ARHGEF7: variants seen among roughly 807,000 people sequenced by gnomAD.
ARHGEF7 encodes PAK-interacting exchange factor beta.
Under a neutral mutation model 109.8 loss-of-function variants are expected in ARHGEF7, and 33 were observed. The ratio of observed to expected loss-of-function variants is 0.30; its 90% CI spans 0.23 to 0.40. ARHGEF7 has a LOEUF of 0.40. Among genes scored for constraint, ARHGEF7 ranks in the 10% least tolerant of loss-of-function variants. The pLI, the probability that ARHGEF7 is intolerant of heterozygous loss-of-function variation, is 1.00. For missense variants in ARHGEF7, 938 were observed against 1,098.5 expected (o/e 0.85, Z 2.07); for synonymous variants, 458 against 424.6 (o/e 1.08, Z -0.97).
intron 12 of ARHGEF7, 84 bp downstream of exon 12, chr13:111,275,762 G>A (rs759744613): frequency 1.3e-5 from 20 of 1,522,146 alleles, no homozygotes; most frequent in Admixed American, 3.4e-5. Context: ...CATCTCAAGC[G>A]ATGAAAAATG....
chr13:111,155,686 A>G (rs2076261878), intron 2 of ARHGEF7, among the ~76,000 whole-genome samples: 1 of 152,192 alleles, frequency 6.6e-6, no homozygotes, highest in African/African-American at 2.4e-5. Flanking sequence ...TCTTGAAACT[A>G]CTGAGTTTTG....
chr13:111,221,760 C>G (rs946701041), intron 5 of ARHGEF7, among the ~76,000 whole-genome samples: 4 of 150,978 alleles, frequency 2.6e-5, no homozygotes, highest in African/African-American at 4.9e-5. Flanking sequence ...TTCTGTCCCT[C>G]TATTACTTCT....
At chr13:111,300,643 T>TTGCTAGAACTTAATATTTAAG in intron 19 of ARHGEF7, 105 bp from the exon 20 acceptor site, 1 of 766,454 alleles carries the variant, frequency 1.3e-6, no homozygotes, top group Admixed American at 2.8e-5. Flanking sequence ...AAATGCATAA[T>TTGCTAGAACTTAATATTTAAG]TGCTAGAACT....
chr13:111,157,792 A>G (rs1028386176), intron 2 of ARHGEF7, among the ~76,000 whole-genome samples: 5 of 152,050 alleles, frequency 3.3e-5, no homozygotes, highest in Non-Finnish European at 5.9e-5. Flanking sequence ...GTATGTGTGC[A>G]TGTGTGTGTG....
Position 111,233,335 on chromosome 13 carries a change from C to G in ARHGEF7, c.759+42C>G, listed in dbSNP as rs930191587. The G allele has an allele frequency of 4.0e-6, 6 of 1,507,500 alleles. No homozygotes were observed. In the African/African-American group the frequency reaches 8.3e-5, roughly 21 times the overall value. 93.4% of individuals were successfully genotyped at this position (1,507,500 alleles called of 1,614,324 possible). ...CATTTTTAAACTAACTGGTTTTTGACTGCCTGTAAAACTCAGCAATGTAGA... is the reference window on the plus strand; with the variant it reads ...CATTTTTAAACTAACTGGTTTTTGAGTGCCTGTAAAACTCAGCAATGTAGA... On this transcript the variant is annotated intron_variant, in intron 6 of 21. Coordinates refer to ENST00000646102, the MANE Select transcript of ARHGEF7 (RefSeq NM_001354046.2).
chr13:111,225,652 G>A (rs796148876), intron 5 of ARHGEF7, among the ~76,000 whole-genome samples: 7 of 152,012 alleles, frequency 4.6e-5, no homozygotes, highest in African/African-American at 1.2e-4. Context: ...TATTGTATCC[G>A]TTATGGTGAT....
chr13:111,236,456 G>A (rs1363191002), intron 6 of ARHGEF7, among the ~76,000 whole-genome samples: 1 of 152,148 alleles, frequency 6.6e-6, no homozygotes, highest in Non-Finnish European at 1.5e-5. Flanking sequence ...AGCTCTGGAT[G>A]CTTGAAATCC....
intron 2 of ARHGEF7, among the ~76,000 whole-genome samples, chr13:111,175,582 G>T (rs2078068149): frequency 6.6e-6 from 1 of 152,174 alleles, no homozygotes; most frequent in Non-Finnish European, 1.5e-5. Context: ...AGGACTGGAG[G>T]CCCCAGGGGC....
intron 9 of ARHGEF7, among the ~76,000 whole-genome samples, chr13:111,270,351 G>C (rs1450000799): frequency 6.6e-6 from 1 of 152,208 alleles, no homozygotes. Flanking sequence ...CAGCAGAACT[G>C]AAGCTGAAAG....
chr13:111,217,652 T>G, intron 4 of ARHGEF7, 27 bp from the exon 5 acceptor site: 5 of 1,587,804 alleles, frequency 3.1e-6, no homozygotes, highest in Non-Finnish European at 4.3e-6. Flanking sequence ...TGGTATAATT[T>G]TTCTCCCACT....
chr13:111,209,845 C>T (rs757632582), intron 3 of ARHGEF7, 27 bp from the exon 4 acceptor site: 1 of 1,610,190 alleles, frequency 6.2e-7, no homozygotes, highest in Non-Finnish European at 8.5e-7. Flanking sequence ...TCTCAGCTCT[C>T]TTTTTCTGTG....
chr13:111,293,916 G>T (rs775068476), intron 19 of ARHGEF7: 1 of 985,430 alleles, frequency 1.0e-6, no homozygotes, highest in South Asian at 4.7e-5. Flanking sequence ...GCTCCTGGCA[G>T]TAGCACGTTG....
chr13:111,147,690 C>CTTTTTTT (rs11463808), intron 1 of ARHGEF7, among the ~76,000 whole-genome samples: 6 of 82,346 alleles, frequency 7.3e-5, no homozygotes, highest in East Asian at 6.4e-4. Context: ...CAGAGGTCAC[C>CTTTTTTT]TTTTTTTTTT....
intron 18 of ARHGEF7, 127 bp downstream of exon 18, chr13:111,288,570 T>C (rs1008142502): frequency 8.5e-5 from 47 of 549,940 alleles, no homozygotes; most frequent in Middle Eastern, 5.5e-4. Flanking sequence ...CAGTGAGTGA[T>C]GTTTCAGTCA....
At chr13:111,218,818 A>G (rs1197960632) in intron 5 of ARHGEF7, among the ~76,000 whole-genome samples, 1 of 151,926 alleles carries the variant, frequency 6.6e-6, no homozygotes, top group Non-Finnish European at 1.5e-5. Context: ...AGGGAATGTT[A>G]ATGGCTGCTA....
chr13:111,270,187 G>T (rs1328628546), intron 9 of ARHGEF7, among the ~76,000 whole-genome samples: 4 of 152,196 alleles, frequency 2.6e-5, no homozygotes, highest in Admixed American at 2.6e-4. Context: ...TGAACTATGG[G>T]TGTCATAATT....
chr13:111,271,079 G>A (rs937097968), intron 9 of ARHGEF7, among the ~76,000 whole-genome samples: 1 of 152,198 alleles, frequency 6.6e-6, no homozygotes, highest in African/African-American at 2.4e-5. Context: ...GTGGGCAGTG[G>A]CCTTCATGCA....
intron 19 of ARHGEF7, chr13:111,292,941 C>T: frequency 2.0e-6 from 2 of 986,126 alleles, no homozygotes; most frequent in South Asian, 9.4e-5. Context: ...TTGTCTCCAC[C>T]TCACGGCTCT....
chr13:111,210,764 C>T (rs1472426636), intron 4 of ARHGEF7, among the ~76,000 whole-genome samples: 1 of 152,174 alleles, frequency 6.6e-6, no homozygotes, highest in African/African-American at 2.4e-5. Context: ...GATACCACTG[C>T]TTTCTCGCGA....
Sources: allele counts gnomAD v4.1 joint callset (sites outside exome capture counted in the v4.1 genomes callset), GRCh38; gene constraint gnomAD v4.1.1; transcripts MANE v1.5; gene names NCBI Gene and HGNC (gene_info 2026-07-23, HGNC 2026-07-21).